Variants in INPP4B observed in about 807,000 individuals in gnomAD.
INPP4B encodes inositol polyphosphate-4-phosphatase type II B, also known as inositol polyphosphate 4-phosphatase type II.
In INPP4B, 55 loss-of-function variants were observed where a neutral mutation model predicts 122.5. The ratio of observed to expected loss-of-function variants is 0.45; its 90% CI spans 0.36 to 0.56. INPP4B has a LOEUF of 0.56. INPP4B is among the 20% of genes least tolerant of loss of function. INPP4B has a pLI of 0.00. For missense variants in INPP4B, 1,000 were observed against 1,097.7 expected (o/e 0.91, Z 1.26); for synonymous variants, 403 against 388.7 (o/e 1.04, Z -0.43).
At position 142,082,192 on chromosome 4, in the gene INPP4B, C is replaced by T. The variant is rs1774242050; in HGVS notation, c.2488-7G>A. On this transcript the variant is annotated splice_polypyrimidine_tract_variant and splice_region_variant and intron_variant, in intron 24 of 25. Coordinates refer to ENST00000262992, the MANE Select transcript of INPP4B (RefSeq NM_001101669.3). ...CATTCAGTTTGCGGCAAATCTGTAA[C>T]ATATGTAAGAACGAACGTTTCTTGT... The T allele has an allele frequency of 2.0e-6, 3 of 1,499,990 alleles. No homozygotes were observed. Among genetic ancestry groups the T allele is most frequent in the Non-Finnish European group, 2.7e-6 (3 of 1,101,848 alleles). The allele number at this position is 1,499,990 out of a possible 1,614,324, so 92.9% of individuals were successfully genotyped here.
intron 12 of INPP4B, among the ~76,000 whole-genome samples, chr4:142,227,030 G>A (rs985782913): frequency 2.0e-5 from 3 of 152,156 alleles, no homozygotes; most frequent in African/African-American, 4.8e-5. Flanking sequence ...AGGTGGTTGT[G>A]TAGTGGCATC....
chr4:142,086,400 C>T (rs368085463), intron 23 of INPP4B, 144 bp from the exon 24 acceptor site: 19 of 604,042 alleles, frequency 3.1e-5, no homozygotes, highest in South Asian at 1.4e-4. Context: ...GGCTGGAGTG[C>T]CAATGGGGCC....
intron 9 of INPP4B, among the ~76,000 whole-genome samples, chr4:142,291,955 T>C (rs1029936010): frequency 2.0e-5 from 3 of 152,164 alleles, no homozygotes; most frequent in Non-Finnish European, 2.9e-5. Flanking sequence ...ACCAGTAATA[T>C]TTGTTTTTAA....
At chr4:142,124,886 G>T in intron 18 of INPP4B, 126 bp from the exon 19 acceptor site, 2 of 721,310 alleles carry the variant, frequency 2.8e-6, no homozygotes, top group Non-Finnish European at 4.2e-6. Flanking sequence ...GATTCACAAA[G>T]ATTAGAGCTG....
At chr4:142,191,759 T>C (rs535822431) in intron 15 of INPP4B, among the ~76,000 whole-genome samples, 5 of 152,192 alleles carry the variant, frequency 3.3e-5, no homozygotes, top group African/African-American at 1.2e-4. Flanking sequence ...CCATGCAATA[T>C]AATTTTATAA....
intron 9 of INPP4B, among the ~76,000 whole-genome samples, chr4:142,297,120 T>A (rs1759083566): frequency 6.6e-6 from 1 of 152,218 alleles, no homozygotes; most frequent in Non-Finnish European, 1.5e-5. Context: ...CAACCTTTTA[T>A]TGCTAAAGTT....
intron 7 of INPP4B, 41 bp downstream of exon 7, chr4:142,402,897 A>G (rs1224409832): frequency 2.0e-6 from 2 of 1,022,182 alleles, no homozygotes; most frequent in Admixed American, 1.7e-5. Flanking sequence ...GTGGAAAAGC[A>G]TAACTTTTTC....
At chr4:142,187,125 C>T (rs1833513936) in intron 15 of INPP4B, among the ~76,000 whole-genome samples, 1 of 151,852 alleles carries the variant, frequency 6.6e-6, no homozygotes, top group Admixed American at 6.6e-5. Context: ...AAATTATAAT[C>T]AAAAGAAAAA....
intron 2 of INPP4B, among the ~76,000 whole-genome samples, chr4:142,652,953 A>T (rs1753324238): frequency 6.6e-6 from 1 of 152,242 alleles, no homozygotes; most frequent in Admixed American, 6.5e-5. Context: ...TGGAGGCATC[A>T]TGCTACCTGA....
At chr4:142,130,988 TA>T (rs1420760416) in intron 18 of INPP4B, among the ~76,000 whole-genome samples, 2 of 152,312 alleles carry the variant, frequency 1.3e-5, no homozygotes, top group African/African-American at 4.8e-5. Context: ...ATTGAAAGCC[TA>T]AAGTAAATTC....
At chr4:142,464,075 A>G (rs1433759703) in intron 2 of INPP4B, among the ~76,000 whole-genome samples, 1 of 152,202 alleles carries the variant, frequency 6.6e-6, no homozygotes, top group East Asian at 1.9e-4. Context: ...ATTCAGGCAG[A>G]GTCCCACAGG....
At chr4:142,339,110 G>T (rs2151661142) in intron 7 of INPP4B, among the ~76,000 whole-genome samples, 1 of 152,234 alleles carries the variant, frequency 6.6e-6, no homozygotes, top group South Asian at 2.1e-4. Context: ...CAGTTTTCTG[G>T]AAACTCTTCC....
chr4:142,534,695 A>C (rs1160507952), intron 2 of INPP4B, among the ~76,000 whole-genome samples: 2 of 150,596 alleles, frequency 1.3e-5, no homozygotes, highest in East Asian at 3.9e-4. Flanking sequence ...ATAAATATTT[A>C]AATAAACAGA....
chr4:142,476,181 C>A (rs1282792478), intron 2 of INPP4B, among the ~76,000 whole-genome samples: 1 of 152,058 alleles, frequency 6.6e-6, no homozygotes. Flanking sequence ...GACTGGAGGA[C>A]AATAGTCAGC....
At chr4:142,845,519 C>G (rs905119683) in intron 1 of INPP4B, among the ~76,000 whole-genome samples, 1 of 152,158 alleles carries the variant, frequency 6.6e-6, no homozygotes, top group Non-Finnish European at 1.5e-5. Flanking sequence ...AGCGAGACCT[C>G]TTTGGGGAAG....
chr4:142,564,444 AAAAAAAAAAAG>A, intron 2 of INPP4B, among the ~76,000 whole-genome samples: 1 of 85,720 alleles, frequency 1.2e-5, no homozygotes, highest in East Asian at 2.2e-4. Flanking sequence ...AATGGCAAAA[AAAAAAAAAAAG>A]AAAGAAAGAA....
rs752528048 is a variant in INPP4B at position 142,238,015 on chromosome 4, GA to G, written c.689-5del. 209 of 1,331,014 alleles carry G rather than the reference GA, an allele frequency of 1.6e-4. 1 individual carries two copies. The highest frequency in any genetic ancestry group is 3.1e-4 in the South Asian group (21 of 67,776). The allele number at this position is 1,331,014 out of a possible 1,614,324, so 82.5% of individuals were successfully genotyped here. A position where few individuals can be genotyped will look rare whatever the true frequency, so the allele number is the denominator to read the frequency against. The stretch of plus-strand genomic sequence containing the variant: ...TTACATACTGGGTTCTTTAACACTG[GA>G]AAAAAAAAGAAAAAATAATAGTTAA... On this transcript the variant is annotated splice_region_variant and splice_polypyrimidine_tract_variant and intron_variant, in intron 11 of 25. Coordinates refer to ENST00000262992, the MANE Select transcript of INPP4B (RefSeq NM_001101669.3).
In INPP4B at chr4:142,209,143, G is replaced by T. The variant is rs1308970294; in HGVS notation, c.837-117C>A. Reference sequence around the variant, plus strand: ...TTATTTCATCCTAATTCCCAGGAAAGTTCTATGAGCTTATTAGCTTAAATA... The same window carrying T: ...TTATTTCATCCTAATTCCCAGGAAATTTCTATGAGCTTATTAGCTTAAATA... On this transcript the variant is annotated intron_variant, in intron 12 of 25. Coordinates refer to ENST00000262992, the MANE Select transcript of INPP4B (RefSeq NM_001101669.3). The T allele has an allele frequency of 9.4e-6, 6 of 637,954 alleles. No homozygotes were observed. The East Asian group carries it at 1.8e-4, about 19-fold the overall frequency. 39.5% of individuals were successfully genotyped at this position (637,954 alleles called of 1,614,324 possible).
intron 25 of INPP4B, among the ~76,000 whole-genome samples, chr4:142,051,969 G>A (rs1754850815): frequency 6.6e-6 from 1 of 151,958 alleles, no homozygotes; most frequent in Non-Finnish European, 1.5e-5. Flanking sequence ...ATTCCTTATA[G>A]TTATAAGTAA....
Sources: allele counts gnomAD v4.1 joint callset (sites outside exome capture counted in the v4.1 genomes callset), GRCh38; gene constraint gnomAD v4.1.1; transcripts MANE v1.5; gene names NCBI Gene and HGNC (gene_info 2026-07-23, HGNC 2026-07-21).